The following ADCY3 variants were observed in gnomAD, a reference collection of about 807,000 sequenced individuals.
ADCY3 encodes the protein adenylate cyclase 3.
Under a neutral mutation model 119.4 loss-of-function variants are expected in ADCY3, and 70 were observed. The observed-to-expected ratio is 0.59, with a 90% confidence interval of 0.48 to 0.72. The LOEUF (loss-of-function observed/expected upper bound fraction) is 0.72. Ranked by LOEUF, ADCY3 falls within the 30% of genes least tolerant of loss-of-function variation. ADCY3 has a pLI of 0.00. For synonymous variants in ADCY3, 672 were observed against 621.4 expected, an observed-to-expected ratio of 1.08 and a Z score of -1.21; for missense variants, 1,238 against 1,541.6, an observed-to-expected ratio of 0.80 and a Z score of 3.30.
chr2:24,902,032 CTCTG>C (rs1396950073), intron 2 of ADCY3, among the ~76,000 whole-genome samples: 35 of 122,864 alleles, frequency 2.8e-4, no homozygotes, highest in Admixed American at 7.3e-4. Flanking sequence ...CACATTTTAA[CTCTG>C]TGTGTGTGTG....
In ADCY3 at chr2:24,820,701, G is replaced by A. The variant is rs780275875; in HGVS notation, c.3252+23C>T. The A allele has an allele frequency of 1.2e-6, 2 of 1,613,532 alleles. No individual in the cohort carries two copies. Among genetic ancestry groups the A allele is most frequent in the South Asian group, 2.2e-5 (2 of 91,022 alleles). On this transcript the variant is annotated intron_variant, in intron 21 of 21. Coordinates refer to ENST00000679454, the MANE Select transcript of ADCY3 (RefSeq NM_004036.5). ...GTTCTCATGCCGAGTCTGAGCACGT[G>A]CCAGCTGTGCCACTGGACATACCTG... is the stretch of plus-strand genomic sequence containing the variant.
intron 3 of ADCY3, among the ~76,000 whole-genome samples, chr2:24,854,884 T>C (rs1472870998): frequency 6.6e-6 from 1 of 152,046 alleles, no homozygotes; most frequent in Non-Finnish European, 1.5e-5. Context: ...ACCCCATCCC[T>C]ACTAAAAATA....
chr2:24,891,721 A>T (rs1487461076), intron 2 of ADCY3, among the ~76,000 whole-genome samples: 2 of 152,224 alleles, frequency 1.3e-5, no homozygotes, highest in East Asian at 3.8e-4. Context: ...AGACTGCAAA[A>T]GTAACAGCTA....
At chr2:24,840,137 A>G (rs980922018) in intron 6 of ADCY3, 106 bp from the exon 7 acceptor site, 49 of 1,431,862 alleles carry the variant, frequency 3.4e-5, no homozygotes, top group Admixed American at 2.0e-4. Flanking sequence ...TCCCCTCCAC[A>G]AGAGGGGGCC....
intron 11 of ADCY3, chr2:24,832,238 C>T (rs1343422195): frequency 6.1e-6 from 1 of 163,740 alleles, no homozygotes; most frequent in Non-Finnish European, 1.3e-5. Context: ...GCGGGCCACT[C>T]TCCAGCTGCA....
chr2:24,869,696 G>C (rs1441604810), intron 3 of ADCY3, among the ~76,000 whole-genome samples: 1 of 152,104 alleles, frequency 6.6e-6, no homozygotes, highest in Non-Finnish European at 1.5e-5. Context: ...ATAGCCACCT[G>C]CCTGGCCACA....
At chr2:24,820,903 C>T (rs1374908400) in intron 20 of ADCY3, 55 bp from the exon 21 acceptor site, 1 of 1,598,444 alleles carries the variant, frequency 6.3e-7, no homozygotes, top group Non-Finnish European at 8.5e-7. Context: ...TGTTATGGGC[C>T]TCAGAAGCCA....
chr2:24,912,558 T>C (rs1663862160), intron 2 of ADCY3, among the ~76,000 whole-genome samples: 2 of 77,478 alleles, frequency 2.6e-5, no homozygotes, highest in South Asian at 7.4e-4. Context: ...CGCATGTGTG[T>C]GTGTGTGTGC....
Position 24,834,910 on chromosome 2 carries a change from T to C in ADCY3, c.1689A>G (p.Pro563=), listed in dbSNP as rs1424280354. ...GGTCCTGCAGGCGCAGCCTCCGGCG[T>C]GGGTTGGGGAATGAGGGGTTGTCGG... ...AQADNPSFPN[P]RRRLRLQDLA... Residue 563 remains proline (P), a synonymous_variant, in exon 10 of 22, where the codon CCA becomes CCG. Transcript: ENST00000679454. The surrounding 1 kb of genome is among the most constrained non-coding windows in gnomAD (Gnocchi z 4.2). The C allele has an allele frequency of 6.2e-7, 1 of 1,613,252 alleles. No individual in the cohort carries two copies. Among genetic ancestry groups the C allele is most frequent in the Non-Finnish European group, 8.5e-7 (1 of 1,179,876 alleles).
intron 2 of ADCY3, among the ~76,000 whole-genome samples, chr2:24,889,486 A>G (rs577748523): frequency 1.7e-3 from 264 of 152,348 alleles, no homozygotes; most frequent in South Asian, 6.0e-3. Context: ...TCTTCAGTAC[A>G]TATGCATGTT....
chr2:24,825,888 G>T, intron 16 of ADCY3, 157 bp downstream of exon 16: 1 of 680,442 alleles, frequency 1.5e-6, no homozygotes, highest in African/African-American at 1.8e-5. Flanking sequence ...GAAGGAGCCT[G>T]AATAGAGAAG....
intron 12 of ADCY3, among the ~76,000 whole-genome samples, chr2:24,831,320 C>T (rs568846088): frequency 1.3e-5 from 2 of 152,176 alleles, no homozygotes; most frequent in African/African-American, 2.4e-5. Context: ...CCTTCACCAT[C>T]GGGGCCAACC....
chr2:24,848,149 G>A (rs1304808358), intron 3 of ADCY3, among the ~76,000 whole-genome samples: 1 of 152,240 alleles, frequency 6.6e-6, no homozygotes, highest in Non-Finnish European at 1.5e-5. Flanking sequence ...ACATGTTCAT[G>A]ATGGCCATAA....
rs1229914054 is a variant in ADCY3, at chr2:24,887,653, G to A, written c.676-14934C>T. ...CCCCCCGACACACACACCTCCTCTC[G>A]GTGAGGCCAACACTCGGGGCAGGAA... On this transcript the variant is annotated intron_variant, in intron 2 of 21. Transcript: ENST00000679454. 2.6e-5 allele frequency among the ~76,000 whole-genome samples: 4 copies of A among 152,016 alleles called. No individual in the cohort carries two copies. In the East Asian group the frequency reaches 7.7e-4, roughly 29 times the overall value.
chr2:24,849,164 T>C (rs1672005448), intron 3 of ADCY3, among the ~76,000 whole-genome samples: 1 of 152,202 alleles, frequency 6.6e-6, no homozygotes, highest in Non-Finnish European at 1.5e-5. Flanking sequence ...TTTCCTGCCC[T>C]CCTGGGTCTA....
At chr2:24,862,279 G>A (rs898659887) in intron 3 of ADCY3, among the ~76,000 whole-genome samples, 2 of 152,312 alleles carry the variant, frequency 1.3e-5, no homozygotes, top group South Asian at 4.1e-4. Flanking sequence ...GGGCGCGGTG[G>A]CTCACGCCTG....
chr2:24,874,414 G>A (rs1675398957), intron 2 of ADCY3, among the ~76,000 whole-genome samples: 1 of 152,206 alleles, frequency 6.6e-6, no homozygotes, highest in Admixed American at 6.5e-5. Flanking sequence ...ATGTCCTCAG[G>A]CCACCCAGTC....
intron 11 of ADCY3, 99 bp from the exon 12 acceptor site, chr2:24,831,848 GGGACAGC>G (rs1262837658): frequency 5.3e-6 from 4 of 749,698 alleles, no homozygotes; most frequent in East Asian, 3.2e-5. Context: ...CAGGGGCCAG[GGGACAGC>G]GGACAGGGGG....
intron 20 of ADCY3, 51 bp downstream of exon 20, chr2:24,821,466 C>G (rs746291134): frequency 6.2e-7 from 1 of 1,603,796 alleles, no homozygotes; most frequent in South Asian, 1.1e-5. Context: ...GGGCCAGGCC[C>G]CTGCATGGGA....
Sources: allele counts gnomAD v4.1 joint callset (sites outside exome capture counted in the v4.1 genomes callset), GRCh38; gene constraint gnomAD v4.1.1; non-coding constraint Gnocchi (gnomAD v3.1); transcripts MANE v1.5; gene names NCBI Gene and HGNC (gene_info 2026-07-23, HGNC 2026-07-21).